SLC2A13: variants seen among roughly 807,000 people sequenced by gnomAD.
SLC2A13 encodes the protein proton myo-inositol cotransporter.
In SLC2A13, 32 loss-of-function variants were observed where a neutral mutation model predicts 64.4. That is an observed-to-expected ratio of 0.50 (90% CI 0.37 to 0.67). The LOEUF is 0.67. SLC2A13 is among the 30% of genes least tolerant of loss of function. SLC2A13 has a pLI of 0.00. For synonymous variants in SLC2A13, 338 were observed against 327.1 expected, an observed-to-expected ratio of 1.03 and a Z score of -0.36; for missense variants, 743 against 829.2, an observed-to-expected ratio of 0.90 and a Z score of 1.28.
intron 1 of SLC2A13, among the ~76,000 whole-genome samples, chr12:40,072,132 T>C (rs1272471048): frequency 6.6e-6 from 1 of 152,112 alleles, no homozygotes; most frequent in African/African-American, 2.4e-5. Context: ...CTAAATTTTT[T>C]GCTATTTTTA....
At chr12:39,787,895 G>C (rs1272403860) in intron 7 of SLC2A13, among the ~76,000 whole-genome samples, 3 of 152,012 alleles carry the variant, frequency 2.0e-5, no homozygotes, top group African/African-American at 7.2e-5. Context: ...TGTAAAGAGT[G>C]GTATTGATGA....
At chr12:40,025,529 A>C (rs1311877502) in intron 3 of SLC2A13, among the ~76,000 whole-genome samples, 5 of 152,234 alleles carry the variant, frequency 3.3e-5, no homozygotes, top group Non-Finnish European at 5.9e-5. Context: ...ACTGATCCAG[A>C]ATCAGACCTA....
In SLC2A13 at chr12:40,011,744, C is replaced by T. The variant is rs184131490; in HGVS notation, c.925+16557G>A. Among the ~76,000 whole-genome samples the T allele has an allele frequency of 3.3e-5, 5 of 152,248 alleles. No homozygotes were observed. In the East Asian group the frequency reaches 9.6e-4, roughly 29 times the overall value. On this transcript the variant is annotated intron_variant, in intron 3 of 9. Transcript: ENST00000280871. ...GCCTAGCTCCAGAATCTTTTGGTTG[C>T]CTTCTCTGAAATTCAGAGAAGTAAG...
intron 1 of SLC2A13, among the ~76,000 whole-genome samples, chr12:40,051,431 TG>T (rs1239806535): frequency 6.6e-6 from 1 of 152,166 alleles, no homozygotes; most frequent in Non-Finnish European, 1.5e-5. Flanking sequence ...GGATCTGAGC[TG>T]GGCACTGTGT....
rs927238142 is a variant in SLC2A13, at chr12:39,756,546, G to A, written c.*3480C>T. 6.6e-6 allele frequency: 1 copy of A among 151,790 alleles called. No homozygotes were observed. The highest frequency in any genetic ancestry group is 1.5e-5 in the Non-Finnish European group (1 of 67,718). 9.4% of individuals were successfully genotyped at this position (151,790 alleles called of 1,614,324 possible). A position where few individuals can be genotyped will look rare whatever the true frequency, so the allele number is the denominator to read the frequency against. Reference sequence around the variant, plus strand: ...CTCTCCACTGTATTACAGTATTTATGAACTGTATTAGTGTCACTAAATTCT... The same window carrying A: ...CTCTCCACTGTATTACAGTATTTATAAACTGTATTAGTGTCACTAAATTCT... On this transcript the variant is annotated 3_prime_UTR_variant, in exon 10 of 10. Coordinates refer to ENST00000280871, the MANE Select transcript of SLC2A13 (RefSeq NM_052885.4).
At chr12:40,087,613 C>A (rs1938626506) in intron 1 of SLC2A13, among the ~76,000 whole-genome samples, 1 of 152,172 alleles carries the variant, frequency 6.6e-6, no homozygotes, top group Non-Finnish European at 1.5e-5. Flanking sequence ...CTACTATGTG[C>A]CAGAGGCTAT....
Position 40,051,109 on chromosome 12 carries a change from C to T in SLC2A13, c.557-2899G>A, listed in dbSNP as rs138197607. Among the ~76,000 whole-genome samples the T allele has an allele frequency of 4.7e-4, 72 of 152,142 alleles. No homozygotes were observed. In the East Asian group the frequency reaches 0.011, roughly 24 times the overall value. On this transcript the variant is annotated intron_variant, in intron 1 of 9. Coordinates refer to ENST00000280871, the MANE Select transcript of SLC2A13 (RefSeq NM_052885.4). ...AGGGTCCCTGCTATGAAGGAAAGTA[C>T]ACACAAGACCTACTCACAAAAGCAT...
intron 7 of SLC2A13, among the ~76,000 whole-genome samples, chr12:39,825,139 A>G (rs558655714): frequency 6.6e-6 from 1 of 152,312 alleles, no homozygotes; most frequent in South Asian, 2.1e-4. Context: ...TTACAGAGCT[A>G]AAGTGCTGTA....
At chr12:40,095,078 T>C (rs936785209) in intron 1 of SLC2A13, among the ~76,000 whole-genome samples, 2 of 152,180 alleles carry the variant, frequency 1.3e-5, no homozygotes, top group African/African-American at 4.8e-5. Context: ...ATCCCAGAAA[T>C]GTACTTCATG....
rs76497229 is a variant in SLC2A13 at position 39,762,673 on chromosome 12, A to G, written c.1720+1787T>C. ...CCAGAGGAATACACGATTAGGATGT[A>G]TATTTATTAAATGAGGAATATAAAT... On this transcript the variant is annotated intron_variant, in intron 9 of 9. Transcript: ENST00000280871. Among the ~76,000 whole-genome samples, 1,129 of 152,206 alleles carry G rather than the reference A, an allele frequency of 7.4e-3. 20 individuals are homozygous for G. Among genetic ancestry groups the G allele is most frequent in the African/African-American group, 0.025 (1,052 of 41,552 alleles).
At chr12:40,034,780 A>T (rs1474447646) in intron 2 of SLC2A13, among the ~76,000 whole-genome samples, 2 of 152,182 alleles carry the variant, frequency 1.3e-5, no homozygotes, top group African/African-American at 4.8e-5. Context: ...AGGGTTAGCA[A>T]TTAGAATCAA....
intron 4 of SLC2A13, among the ~76,000 whole-genome samples, chr12:39,877,336 C>A (rs1027070595): frequency 2.0e-5 from 3 of 152,070 alleles, no homozygotes; most frequent in Non-Finnish European, 4.4e-5. Context: ...GGGGAACTAC[C>A]CTTTACAAAA....
chr12:40,028,684 C>T (rs1029695443), intron 2 of SLC2A13, among the ~76,000 whole-genome samples, 175 bp from the exon 3 acceptor site: 20 of 152,100 alleles, frequency 1.3e-4, no homozygotes, highest in African/African-American at 4.8e-4. Context: ...TTGTGCTGCA[C>T]TGAAAATTAA....
At chr12:39,873,425 C>T (rs976629433) in intron 4 of SLC2A13, among the ~76,000 whole-genome samples, 1 of 152,106 alleles carries the variant, frequency 6.6e-6, no homozygotes, top group Non-Finnish European at 1.5e-5. Context: ...TCATAAAGAC[C>T]TGTATGGCAA....
At chr12:39,902,545 A>G (rs17127228) in intron 4 of SLC2A13, among the ~76,000 whole-genome samples, 2,389 of 152,070 alleles carry the variant, frequency 0.016, 50 homozygotes, top group African/African-American at 0.053. Flanking sequence ...TTTAAGCACT[A>G]CCAGGTGTAC....
chr12:39,996,355 C>G (rs1396369814), intron 3 of SLC2A13, among the ~76,000 whole-genome samples: 1 of 152,150 alleles, frequency 6.6e-6, no homozygotes, highest in Non-Finnish European at 1.5e-5. Context: ...ATCAGGGAAG[C>G]ACAGCATAAA....
At chr12:39,879,968 T>G (rs1343160660) in intron 4 of SLC2A13, among the ~76,000 whole-genome samples, 1 of 152,184 alleles carries the variant, frequency 6.6e-6, no homozygotes, top group Non-Finnish European at 1.5e-5. Flanking sequence ...GGATCCTTCA[T>G]GGTTTGGTCC....
chr12:40,077,618 T>C (rs987500496), intron 1 of SLC2A13, among the ~76,000 whole-genome samples: 2 of 152,206 alleles, frequency 1.3e-5, no homozygotes, highest in Admixed American at 1.3e-4. Flanking sequence ...TAGCTTAGGA[T>C]GGTTTTGGCT....
rs191389676 is a variant in SLC2A13, at chr12:39,863,615, T to C, written c.1319+1147A>G. Among the ~76,000 whole-genome samples, 7 of 152,326 alleles carry C rather than the reference T, an allele frequency of 4.6e-5. No individual in the cohort carries two copies. The East Asian group carries it at 1.3e-3, about 29-fold the overall frequency. ...ATGCATTTCTAGCAATTGAGGCAGA[T>C]GTCCAAATAAAGATGCTATGGTTAA... On this transcript the variant is annotated intron_variant, in intron 6 of 9. Coordinates refer to ENST00000280871, the MANE Select transcript of SLC2A13 (RefSeq NM_052885.4).
Sources: allele counts gnomAD v4.1 joint callset (sites outside exome capture counted in the v4.1 genomes callset), GRCh38; gene constraint gnomAD v4.1.1; transcripts MANE v1.5; gene names NCBI Gene and HGNC (gene_info 2026-07-23, HGNC 2026-07-21).